CADM2: variants seen among roughly 807,000 people sequenced by gnomAD.
The protein encoded by CADM2 is cell adhesion molecule 2.
Under a neutral mutation model 49.8 loss-of-function variants are expected in CADM2, and 12 were observed. The observed-to-expected ratio is 0.24, with a 90% confidence interval of 0.15 to 0.39. The LOEUF (loss-of-function observed/expected upper bound fraction) is 0.39, where lower values mean the gene tolerates loss of function less well. CADM2 is among the 10% of genes least tolerant of loss of function. CADM2 has a pLI of 1.00. For synonymous variants in CADM2, 214 were observed against 175.4 expected (o/e 1.22, Z -1.74); for missense variants, 378 against 492.3 (o/e 0.77, Z 2.20).
intron 8 of CADM2, among the ~76,000 whole-genome samples, chr3:86,057,838 A>T (rs1445267163): frequency 1.3e-5 from 2 of 152,190 alleles, no homozygotes; most frequent in Non-Finnish European, 2.9e-5. Flanking sequence ...ATGATAGAAA[A>T]AAAAGGAATA....
chr3:85,586,739 C>T (rs561016482), intron 1 of CADM2, among the ~76,000 whole-genome samples: 16 of 152,164 alleles, frequency 1.1e-4, no homozygotes, highest in African/African-American at 3.6e-4. Context: ...GACCACACAA[C>T]TTCAATAAGT....
At chr3:85,723,952 T>C (rs912880823) in intron 1 of CADM2, among the ~76,000 whole-genome samples, 2 of 152,008 alleles carry the variant, frequency 1.3e-5, no homozygotes, top group African/African-American at 4.8e-5. Context: ...TATTGATGCA[T>C]TGTAATCTTT....
chr3:85,356,203 G>T (rs562661102), intron 1 of CADM2, among the ~76,000 whole-genome samples: 27 of 152,024 alleles, frequency 1.8e-4, no homozygotes, highest in African/African-American at 6.3e-4. Flanking sequence ...GAGTGAGGTA[G>T]GTAAGAATGT....
intron 1 of CADM2, among the ~76,000 whole-genome samples, chr3:85,463,630 A>T (rs538380697): frequency 6.6e-6 from 1 of 152,272 alleles, no homozygotes; most frequent in South Asian, 2.1e-4. Flanking sequence ...AAAAATCTTT[A>T]CATTCCCATG....
chr3:85,453,373 A>G (rs1054260743), intron 1 of CADM2, among the ~76,000 whole-genome samples: 1 of 152,114 alleles, frequency 6.6e-6, no homozygotes, highest in African/African-American at 2.4e-5. Context: ...CTGGTGTATT[A>G]ATAGAACTTT....
At chr3:85,049,122 T>C (rs1033685017) in intron 1 of CADM2, among the ~76,000 whole-genome samples, 9 of 152,134 alleles carry the variant, frequency 5.9e-5, no homozygotes, top group African/African-American at 2.2e-4. Flanking sequence ...ATGAGGATAA[T>C]GGCTAATTGG....
chr3:85,741,529 A>T (rs1428774042), intron 2 of CADM2, among the ~76,000 whole-genome samples: 1 of 150,358 alleles, frequency 6.7e-6, no homozygotes, highest in Non-Finnish European at 1.5e-5. Flanking sequence ...TTAGCTGGGC[A>T]TGGTGGTGCA....
rs994342618 is a variant in CADM2 at position 86,074,269 on chromosome 3, G to T, written c.*7486G>T. ...TATGGAGGATTTTCTTTGTGTCTTT[G>T]GAAGTTCACTTACCATAAAGTATTT... is the stretch of plus-strand genomic sequence containing the variant. On this transcript the variant is annotated 3_prime_UTR_variant, in exon 10 of 10. Coordinates refer to ENST00000383699, the MANE Select transcript of CADM2 (RefSeq NM_001167675.2). 6.6e-6 allele frequency: 1 copy of T among 151,760 alleles called. No individual in the cohort carries two copies. The highest frequency in any genetic ancestry group is 1.5e-5 in the Non-Finnish European group (1 of 67,834). 9.4% of individuals were successfully genotyped at this position (151,760 alleles called of 1,614,324 possible). A position where few individuals can be genotyped will look rare whatever the true frequency, so the allele number is the denominator to read the frequency against.
chr3:86,017,571 C>T (rs1484316990), intron 8 of CADM2, among the ~76,000 whole-genome samples: 2 of 151,784 alleles, frequency 1.3e-5, no homozygotes, highest in East Asian at 1.9e-4. Flanking sequence ...TCTACAAAAA[C>T]TGCAAAAATT....
At chr3:85,764,300 A>T (rs2069545383) in intron 2 of CADM2, among the ~76,000 whole-genome samples, 3 of 152,132 alleles carry the variant, frequency 2.0e-5, no homozygotes, top group African/African-American at 7.2e-5. Flanking sequence ...AATAAAATTA[A>T]TAATGTGACT....
At position 85,183,073 on chromosome 3, in the gene CADM2, C is replaced by T. The variant is rs565147924; in HGVS notation, c.61+223405C>T. The stretch of plus-strand genomic sequence containing the variant: ...CATAATTGCAATTTACACAAGATGC[C>T]CTCTGAATCTCCTTTCCAGATGATG... On this transcript the variant is annotated intron_variant, in intron 1 of 9. Coordinates refer to ENST00000383699, the MANE Select transcript of CADM2 (RefSeq NM_001167675.2). Among the ~76,000 whole-genome samples, 14 of 152,070 alleles carry T rather than the reference C, an allele frequency of 9.2e-5. No individual in the cohort carries two copies. The South Asian group carries it at 2.7e-3, about 29-fold the overall frequency.
chr3:85,550,940 G>A (rs1008258966), intron 1 of CADM2, among the ~76,000 whole-genome samples: 3 of 151,536 alleles, frequency 2.0e-5, no homozygotes, highest in African/African-American at 7.3e-5. Flanking sequence ...CTGAACTCCA[G>A]TTCAGTCATT....
chr3:86,064,976 C>A (rs541488478), intron 8 of CADM2, among the ~76,000 whole-genome samples: 1 of 152,250 alleles, frequency 6.6e-6, no homozygotes, highest in South Asian at 2.1e-4. Flanking sequence ...ATACATTCTT[C>A]CCTTTGATCA....
In CADM2 at chr3:84,975,836, T is replaced by G. The variant is rs1470414445; in HGVS notation, c.61+16168T>G. ...TCTCTGAGATGAACATCTTCTAAAC[T>G]AATAAGCATAAGTGAATGCACTGCT... On this transcript the variant is annotated intron_variant, in intron 1 of 9. Transcript: ENST00000383699. Among the ~76,000 whole-genome samples the G allele has an allele frequency of 2.0e-5, 3 of 151,832 alleles. No individual in the cohort carries two copies. The East Asian group carries it at 5.8e-4, about 29-fold the overall frequency.
At chr3:85,458,651 A>G (rs1004155221) in intron 1 of CADM2, among the ~76,000 whole-genome samples, 1 of 152,152 alleles carries the variant, frequency 6.6e-6, no homozygotes, top group Non-Finnish European at 1.5e-5. Context: ...TATGTTTCCC[A>G]TAATCATGTA....
At chr3:85,754,942 T>C (rs2069039507) in intron 2 of CADM2, among the ~76,000 whole-genome samples, 1 of 152,232 alleles carries the variant, frequency 6.6e-6, no homozygotes. Flanking sequence ...GTAAAACGTA[T>C]TGATTTAAAT....
chr3:86,039,081 AG>A (rs1287341793), intron 8 of CADM2, among the ~76,000 whole-genome samples: 2 of 152,024 alleles, frequency 1.3e-5, no homozygotes, highest in East Asian at 1.9e-4. Flanking sequence ...ATGTAAACAG[AG>A]GGGGTGGAGC....
At chr3:85,031,649 G>T (rs1193776879) in intron 1 of CADM2, among the ~76,000 whole-genome samples, 2 of 152,058 alleles carry the variant, frequency 1.3e-5, no homozygotes, top group African/African-American at 2.4e-5. Flanking sequence ...CGAGTAGCTG[G>T]GACTACAGGC....
chr3:85,961,770 T>G, intron 8 of CADM2, 123 bp downstream of exon 8: 1 of 468,752 alleles, frequency 2.1e-6, no homozygotes, highest in Non-Finnish European at 3.6e-6. Context: ...TCAGGACATC[T>G]TATGAGATAT....
Sources: gnomAD v4.1 joint callset for allele counts (sites outside exome capture counted in the v4.1 genomes callset) on GRCh38, gnomAD v4.1.1 for gene constraint, MANE v1.5 for transcripts, NCBI Gene and HGNC (gene_info 2026-07-23, HGNC 2026-07-21) for gene names.